GNA12: variants seen among roughly 807,000 people sequenced by gnomAD.
GNA12 encodes guanine nucleotide-binding protein subunit alpha-12.
In GNA12, 9 loss-of-function variants were observed where a neutral mutation model predicts 26.0. The observed-to-expected ratio is 0.35, with a 90% CI of 0.21 to 0.60. GNA12 has a LOEUF of 0.60. Ranked by LOEUF, GNA12 falls within the 20% of genes least tolerant of loss-of-function variation. The pLI, the probability that GNA12 is intolerant of heterozygous loss-of-function variation, is 0.78. For missense variants in GNA12, 405 were observed against 525.8 expected (o/e 0.77, Z 2.25); for synonymous variants, 264 against 219.6 (o/e 1.20, Z -1.79).
intron 2 of GNA12, among the ~76,000 whole-genome samples, chr7:2,788,934 C>T (rs1562429111): frequency 6.6e-6 from 1 of 152,060 alleles, no homozygotes; most frequent in Non-Finnish European, 1.5e-5. Context: ...ATTCTCCTGC[C>T]TCAGCCTCCA....
intron 1 of GNA12, among the ~76,000 whole-genome samples, chr7:2,841,167 T>A (rs979488687): frequency 1.8e-4 from 27 of 152,186 alleles, no homozygotes; most frequent in Admixed American, 7.9e-4. Context: ...TTTTCTTTTT[T>A]TTGAGACGGA....
At chr7:2,796,392 G>A (rs899148705) in intron 1 of GNA12, among the ~76,000 whole-genome samples, 3 of 152,144 alleles carry the variant, frequency 2.0e-5, no homozygotes, top group African/African-American at 7.2e-5. Context: ...CACCGTCCGC[G>A]CCTATTTTCC....
At chr7:2,751,545 T>C (rs1791041018) in intron 2 of GNA12, among the ~76,000 whole-genome samples, 1 of 151,938 alleles carries the variant, frequency 6.6e-6, no homozygotes, top group African/African-American at 2.4e-5. Context: ...AACAATGAAA[T>C]GGAAAATGAA....
At chr7:2,737,272 T>G (rs1009143114) in intron 2 of GNA12, among the ~76,000 whole-genome samples, 8 of 54,808 alleles carry the variant, frequency 1.5e-4, no homozygotes, top group Non-Finnish European at 2.8e-4. Flanking sequence ...CAGTTTTGTT[T>G]TGTTTTTTTT....
rs145388207 is a variant in GNA12, at chr7:2,834,290, A to T, written c.309+9563T>A. On this transcript the variant is annotated intron_variant, in intron 1 of 3. Transcript: ENST00000275364. ...TTCTCCACTTGCTGAAATCCTACAA[A>T]ACCTTCAAAGGCCAGCTCAAATCAC... Among the ~76,000 whole-genome samples, 659 of 152,318 alleles carry T rather than the reference A, an allele frequency of 4.3e-3. 3 individuals carry two copies. The highest frequency in any genetic ancestry group is 0.015 in the African/African-American group (617 of 41,566).
intron 1 of GNA12, 94 bp downstream of exon 1, chr7:2,843,759 C>A (rs1254971927): frequency 1.6e-5 from 9 of 576,948 alleles, no homozygotes; most frequent in Non-Finnish European, 2.5e-5. Flanking sequence ...CCCAGGGGTC[C>A]CCGCCCGCGG....
rs1016893877 is a variant in GNA12 at position 2,774,904 on chromosome 7, G to A, written c.525+20024C>T. ...CTCATGCACAGTGGTTGGCACAGCAGGCAGTCAAGATATGAGAGTCAATAT... is the reference window on the plus strand; with the variant it reads ...CTCATGCACAGTGGTTGGCACAGCAAGCAGTCAAGATATGAGAGTCAATAT... On this transcript the variant is annotated intron_variant, in intron 2 of 3. Transcript: ENST00000275364. 2.6e-5 allele frequency among the ~76,000 whole-genome samples: 4 copies of A among 152,158 alleles called. No individual in the cohort carries two copies. In the South Asian group the frequency reaches 8.3e-4, roughly 32 times the overall value.
At chr7:2,794,770 C>T (rs1792608851) in intron 2 of GNA12, 158 bp downstream of exon 2, 2 of 628,490 alleles carry the variant, frequency 3.2e-6, no homozygotes, top group Non-Finnish European at 5.6e-6. Flanking sequence ...TAGCATCTGC[C>T]TCCATCCCGT....
At chr7:2,803,340 G>GTC (rs1792862591) in intron 1 of GNA12, among the ~76,000 whole-genome samples, 1 of 152,214 alleles carries the variant, frequency 6.6e-6, no homozygotes, top group Non-Finnish European at 1.5e-5. Context: ...ACGATCGAGG[G>GTC]CTTTGGAAAA....
intron 1 of GNA12, among the ~76,000 whole-genome samples, chr7:2,799,347 A>G (rs1792753304): frequency 1.3e-5 from 2 of 152,180 alleles, no homozygotes; most frequent in Admixed American, 1.3e-4. Flanking sequence ...TGTGAGGCTG[A>G]GGGGAGAGGA....
Position 2,773,083 on chromosome 7 carries a change from G to A in GNA12, c.525+21845C>T, listed in dbSNP as rs191685626. On this transcript the variant is annotated intron_variant, in intron 2 of 3. Transcript: ENST00000275364. Reference sequence around the variant, plus strand: ...AAAACACTAATCTACAGTGATGGAAGTGAAACTAGCGTGGTCACCAGGAGG... The same window carrying A: ...AAAACACTAATCTACAGTGATGGAAATGAAACTAGCGTGGTCACCAGGAGG... Among the ~76,000 whole-genome samples, 190 of 152,348 alleles carry A rather than the reference G, an allele frequency of 1.2e-3. 1 individual carries two copies. Among genetic ancestry groups the A allele is most frequent in the African/African-American group, 3.8e-3 (160 of 41,582 alleles).
At chr7:2,743,606 T>C (rs1790614899) in intron 2 of GNA12, among the ~76,000 whole-genome samples, 1 of 152,132 alleles carries the variant, frequency 6.6e-6, no homozygotes, top group African/African-American at 2.4e-5. Context: ...GCTCCCAGCG[T>C]GAGCAATGCA....
chr7:2,752,890 G>A (rs11761804), intron 2 of GNA12, among the ~76,000 whole-genome samples: 18,259 of 152,168 alleles, frequency 0.12, 1,192 homozygotes, highest in Middle Eastern at 0.2. Context: ...AGTACAATGT[G>A]TGTGTGGTTC....
intron 1 of GNA12, among the ~76,000 whole-genome samples, chr7:2,801,104 G>A (rs1562435568): frequency 6.6e-6 from 1 of 152,136 alleles, no homozygotes; most frequent in Non-Finnish European, 1.5e-5. Context: ...GGCAGATGCG[G>A]CCCAGCCTGG....
intron 2 of GNA12, among the ~76,000 whole-genome samples, chr7:2,768,145 G>A (rs1208855129): frequency 3.3e-5 from 5 of 152,196 alleles, no homozygotes; most frequent in African/African-American, 7.2e-5. Context: ...ATGAGCTACC[G>A]CTTACAGACC....
chr7:2,827,313 G>A (rs1793508282), intron 1 of GNA12, among the ~76,000 whole-genome samples: 1 of 152,110 alleles, frequency 6.6e-6, no homozygotes, highest in Non-Finnish European at 1.5e-5. Context: ...TGATAGAGGT[G>A]GTGGGTGAAC....
intron 1 of GNA12, among the ~76,000 whole-genome samples, chr7:2,814,635 CTTTTTTTT>C (rs35209860): frequency 7.5e-6 from 1 of 133,708 alleles, no homozygotes; most frequent in Non-Finnish European, 1.6e-5. Flanking sequence ...CTTTTCCTGC[CTTTTTTTT>C]TTTTTTTTCG....
intron 2 of GNA12, among the ~76,000 whole-genome samples, chr7:2,750,547 C>A (rs1426807997): frequency 6.6e-6 from 1 of 152,148 alleles, no homozygotes; most frequent in Non-Finnish European, 1.5e-5. Flanking sequence ...GTAAGGTTAA[C>A]AATAAAACAG....
intron 2 of GNA12, among the ~76,000 whole-genome samples, chr7:2,766,770 T>C (rs569043410): frequency 3.3e-4 from 50 of 152,344 alleles, no homozygotes; most frequent in African/African-American, 1.1e-3. Context: ...TCCATTCTTC[T>C]GGATAAATAC....
Sources: gnomAD v4.1 joint callset for allele counts (sites outside exome capture counted in the v4.1 genomes callset) on GRCh38, gnomAD v4.1.1 for gene constraint, MANE v1.5 for transcripts, NCBI Gene and HGNC (gene_info 2026-07-23, HGNC 2026-07-21) for gene names.